CLVS1: variants seen among roughly 807,000 people sequenced by gnomAD.
CLVS1 encodes clavesin 1.
A neutral mutation model predicts 33.1 loss-of-function variants in CLVS1; 10 were observed. The ratio of observed to expected loss-of-function variants is 0.30; its 90% CI spans 0.19 to 0.51. The LOEUF (loss-of-function observed/expected upper bound fraction) is 0.51. Ranked by LOEUF, CLVS1 falls within the 20% of genes least tolerant of loss-of-function variation. CLVS1 has a pLI of 0.97. For synonymous variants in CLVS1, 163 were observed against 166.1 expected, an observed-to-expected ratio of 0.98 and a Z score of 0.14; for missense variants, 343 against 433.4, an observed-to-expected ratio of 0.79 and a Z score of 1.85.
At chr8:61,067,570 A>T (rs1367281628) in intron 1 of CLVS1, among the ~76,000 whole-genome samples, 2 of 151,942 alleles carry the variant, frequency 1.3e-5, no homozygotes, top group African/African-American at 4.8e-5. Flanking sequence ...ACTATTTTTT[A>T]AAAAGCTAAC....
the CLVS1 span, among the ~76,000 whole-genome samples, chr8:60,998,372 A>T: frequency 6.6e-6 from 1 of 151,988 alleles, no homozygotes; most frequent in Non-Finnish European, 1.5e-5. Context: ...CCTTGATTCC[A>T]CTGCCACAAT....
chr8:61,105,281 T>C (rs1022910127), intron 1 of CLVS1, among the ~76,000 whole-genome samples: 2 of 152,220 alleles, frequency 1.3e-5, no homozygotes, highest in African/African-American at 4.8e-5. Flanking sequence ...TATAAAACTA[T>C]TGGTTATAGC....
intron 5 of CLVS1, among the ~76,000 whole-genome samples, chr8:61,483,695 C>T (rs1803757152): frequency 1.3e-5 from 2 of 152,254 alleles, no homozygotes; most frequent in Non-Finnish European, 2.9e-5. Context: ...TGCAAAAATC[C>T]TCAATAAAAT....
In CLVS1 at chr8:61,333,688, C is replaced by A. The variant is rs577941592; in HGVS notation, c.455+33406C>A. Among the ~76,000 whole-genome samples the A allele has an allele frequency of 2.0e-5, 3 of 151,952 alleles. No homozygotes were observed. In the South Asian group the frequency reaches 6.2e-4, roughly 32 times the overall value. On this transcript the variant is annotated intron_variant, in intron 2 of 5. Coordinates refer to ENST00000325897, the MANE Select transcript of CLVS1 (RefSeq NM_173519.3). ...GATCTGTAAACTCTCAAGGATTAGG[C>A]AAAAAGGGTTTGCTTTTATTTTTAA...
At chr8:61,369,429 A>G (rs114632280) in intron 2 of CLVS1, among the ~76,000 whole-genome samples, 50 of 152,320 alleles carry the variant, frequency 3.3e-4, no homozygotes, top group African/African-American at 1.2e-3. Context: ...CAAACCATTT[A>G]AGAGAGTGTC....
chr8:61,038,853 G>C, the CLVS1 span, among the ~76,000 whole-genome samples: 1 of 152,200 alleles, frequency 6.6e-6, no homozygotes, highest in East Asian at 1.9e-4. Context: ...ACGAACACCT[G>C]TCTGTACTAG....
rs144210922 is a variant in CLVS1 at position 61,373,986 on chromosome 8, C to T, written c.456-2619C>T. Among the ~76,000 whole-genome samples, 466 of 152,226 alleles carry T rather than the reference C, an allele frequency of 3.1e-3. 1 individual carries two copies. The highest frequency in any genetic ancestry group is 0.011 in the African/African-American group (438 of 41,518). ...TGTCGCATATTTTTTACTATAGCAA[C>T]GGTAGAAGGGCAAGAGAACAGTGGT... On this transcript the variant is annotated intron_variant, in intron 2 of 5. Coordinates refer to ENST00000325897, the MANE Select transcript of CLVS1 (RefSeq NM_173519.3).
At chr8:61,043,854 G>T in the CLVS1 span, among the ~76,000 whole-genome samples, 1 of 152,192 alleles carries the variant, frequency 6.6e-6, no homozygotes. Context: ...GAAGGTTATA[G>T]GTGGTCCAGG....
chr8:61,188,067 A>T (rs1807379930), intron 2 of CLVS1, among the ~76,000 whole-genome samples: 1 of 152,102 alleles, frequency 6.6e-6, no homozygotes. Flanking sequence ...TGGCTTTATG[A>T]GATGTGAGGA....
chr8:61,447,188 C>T (rs1035654205), intron 3 of CLVS1, among the ~76,000 whole-genome samples: 9 of 152,008 alleles, frequency 5.9e-5, no homozygotes, highest in Middle Eastern at 3.2e-3. Context: ...ATATTCAAGT[C>T]CCCAACAATA....
intron 2 of CLVS1, among the ~76,000 whole-genome samples, chr8:61,326,949 G>A (rs16927189): frequency 0.043 from 6,611 of 152,106 alleles, 358 homozygotes; most frequent in East Asian, 0.18. Flanking sequence ...CTCAAAAACC[G>A]TAAAAACATG....
At chr8:61,484,698 A>T (rs557847757) in intron 5 of CLVS1, among the ~76,000 whole-genome samples, 4,118 of 152,316 alleles carry the variant, frequency 0.027, 79 homozygotes, top group South Asian at 0.065. Flanking sequence ...AAACTATACT[A>T]CAAGGCTACA....
At chr8:61,240,996 C>G (rs925953516) in intron 2 of CLVS1, among the ~76,000 whole-genome samples, 2 of 147,902 alleles carry the variant, frequency 1.4e-5, no homozygotes, top group African/African-American at 5.1e-5. Flanking sequence ...ATTTATTTCT[C>G]ACAGTTCTGG....
At chr8:61,285,959 G>GT (rs34918981), upstream of CLVS1, among the ~76,000 whole-genome samples, 6,786 of 135,086 alleles carry the variant, frequency 0.05, 380 homozygotes, top group African/African-American at 0.13. Context: ...TTTCCCTGTA[G>GT]TTTTTTTTTT....
intron 2 of CLVS1, among the ~76,000 whole-genome samples, chr8:61,212,421 G>A (rs1427925094): frequency 6.6e-6 from 1 of 152,190 alleles, no homozygotes; most frequent in Non-Finnish European, 1.5e-5. Flanking sequence ...TGCAGCGGGG[G>A]CTGGACTCCA....
At chr8:61,412,653 C>T (rs1815274605) in intron 3 of CLVS1, among the ~76,000 whole-genome samples, 1 of 152,156 alleles carries the variant, frequency 6.6e-6, no homozygotes, top group Non-Finnish European at 1.5e-5. Context: ...GCTTCTCTGC[C>T]GTTGCACCTC....
rs970684861 is a variant in CLVS1 at position 61,458,753 on chromosome 8, A to C, written c.977+211A>C. On this transcript the variant is annotated intron_variant, in intron 5 of 5. Transcript: ENST00000325897. ...ATAGTTGTCCCCATTGTATCAAAGG[A>C]ATAGTTAAAGGCTAGGACTTCACTC... 2.0e-5 allele frequency: 9 copies of C among 461,242 alleles called. No individual in the cohort carries two copies. The Admixed American group carries it at 3.5e-4, about 18-fold the overall frequency. The allele number at this position is 461,242 out of a possible 1,614,324, so 28.6% of individuals were successfully genotyped here. A position where few individuals can be genotyped will look rare whatever the true frequency, so the allele number is the denominator to read the frequency against.
At chr8:61,423,494 C>T (rs1815762184) in intron 3 of CLVS1, among the ~76,000 whole-genome samples, 2 of 152,134 alleles carry the variant, frequency 1.3e-5, no homozygotes, top group African/African-American at 4.8e-5. Context: ...ACCTGCTTTC[C>T]TTTTCTCACT....
chr8:61,162,468 T>C (rs147861464), intron 2 of CLVS1, among the ~76,000 whole-genome samples: 2,527 of 152,294 alleles, frequency 0.017, 30 homozygotes, highest in African/African-American at 0.024. Context: ...AAACTAGGAC[T>C]GAAAAACCAG....
Sources: allele counts gnomAD v4.1 joint callset (sites outside exome capture counted in the v4.1 genomes callset), GRCh38; gene constraint gnomAD v4.1.1; transcripts MANE v1.5; gene names NCBI Gene and HGNC (gene_info 2026-07-23, HGNC 2026-07-21).